Variants in SAMMSON observed in about 807,000 individuals in gnomAD.
SAMMSON encodes long intergenic non-protein coding RNA 1212.
chr3:70,299,034 C>T (rs543626642), intron 7 of SAMMSON, among the ~76,000 whole-genome samples: 7 of 152,046 alleles, frequency 4.6e-5, no homozygotes, highest in Non-Finnish European at 7.4e-5. Context: ...GAGGATCTCA[C>T]GTGGTGCTTT....
chr3:70,195,983 C>T (rs1223020337), intron 4 of SAMMSON, among the ~76,000 whole-genome samples: 2 of 152,268 alleles, frequency 1.3e-5, no homozygotes, highest in East Asian at 1.9e-4. Flanking sequence ...GTTTCTGAAG[C>T]ACATGCTATA....
At chr3:70,156,417 A>G (rs1053597649) in intron 4 of SAMMSON, among the ~76,000 whole-genome samples, 12 of 152,068 alleles carry the variant, frequency 7.9e-5, no homozygotes, top group African/African-American at 2.7e-4. Flanking sequence ...ACACACAGTC[A>G]GTGTTCAGGC....
intron 4 of SAMMSON, among the ~76,000 whole-genome samples, chr3:70,238,725 C>A (rs954480379): frequency 1.3e-5 from 2 of 151,986 alleles, no homozygotes; most frequent in Non-Finnish European, 1.5e-5. Flanking sequence ...TTGTTTGGGT[C>A]CCCATATTTA....
chr3:70,362,330 A>G (rs1702878497), intron 9 of SAMMSON, among the ~76,000 whole-genome samples: 1 of 152,168 alleles, frequency 6.6e-6, no homozygotes, highest in African/African-American at 2.4e-5. Flanking sequence ...ATTTCTCAAC[A>G]GGGATCAGTC....
chr3:70,392,423 T>A (rs1359065251), downstream of SAMMSON, among the ~76,000 whole-genome samples: 1 of 152,084 alleles, frequency 6.6e-6, no homozygotes, highest in Non-Finnish European at 1.5e-5. Context: ...AAGTAAACAA[T>A]GTGCAGGTGG....
At chr3:70,323,578 T>C (rs1207568649) in intron 7 of SAMMSON, among the ~76,000 whole-genome samples, 1 of 152,196 alleles carries the variant, frequency 6.6e-6, no homozygotes, top group African/African-American at 2.4e-5. Context: ...TTGGCAAGGC[T>C]GAACTGTTTC....
intron 2 of SAMMSON, among the ~76,000 whole-genome samples, chr3:70,013,292 A>C (rs2066966153): frequency 6.6e-6 from 1 of 152,146 alleles, no homozygotes. Flanking sequence ...TTTTAAAAAA[A>C]TATGAACTAG....
intron 4 of SAMMSON, among the ~76,000 whole-genome samples, chr3:70,241,731 G>C (rs925062756): frequency 6.6e-6 from 1 of 152,092 alleles, no homozygotes; most frequent in African/African-American, 2.4e-5. Flanking sequence ...CTACTAAGGC[G>C]TCTAATGTCT....
chr3:70,236,428 ATTTG>A (rs1701609687), intron 4 of SAMMSON, among the ~76,000 whole-genome samples: 1 of 152,086 alleles, frequency 6.6e-6, no homozygotes, highest in Non-Finnish European at 1.5e-5. Flanking sequence ...CTACCTGCCT[ATTTG>A]TTTATTAGCC....
chr3:70,290,835 C>G (rs555312090), intron 6 of SAMMSON, among the ~76,000 whole-genome samples: 20 of 152,244 alleles, frequency 1.3e-4, no homozygotes, highest in African/African-American at 4.6e-4. Flanking sequence ...AGGTGCGGTC[C>G]TCACCCCTTT....
intron 4 of SAMMSON, among the ~76,000 whole-genome samples, chr3:70,088,562 C>T (rs961453772): frequency 6.6e-6 from 1 of 152,134 alleles, no homozygotes; most frequent in East Asian, 1.9e-4. Context: ...ATTGGCTAAG[C>T]CCTTCTCTGT....
At chr3:70,348,474 A>G (rs2106733304) in intron 7 of SAMMSON, among the ~76,000 whole-genome samples, 1 of 152,226 alleles carries the variant, frequency 6.6e-6, no homozygotes, top group Non-Finnish European at 1.5e-5. Context: ...GCATCCTTAC[A>G]TGGCAGAGAG....
At chr3:70,091,006 G>T (rs1048396972) in intron 4 of SAMMSON, among the ~76,000 whole-genome samples, 3 of 152,102 alleles carry the variant, frequency 2.0e-5, no homozygotes, top group African/African-American at 7.2e-5. Flanking sequence ...ATGTAAGTGG[G>T]ACTGTAACTT....
intron 4 of SAMMSON, among the ~76,000 whole-genome samples, chr3:70,234,639 CAAA>C (rs34609524): frequency 5.9e-5 from 7 of 118,840 alleles, no homozygotes; most frequent in Admixed American, 1.7e-4. Context: ...GACCCTGGCT[CAAA>C]AAAAAAAAAA....
At chr3:70,164,970 A>G (rs893933862) in intron 4 of SAMMSON, among the ~76,000 whole-genome samples, 10 of 152,068 alleles carry the variant, frequency 6.6e-5, no homozygotes, top group Admixed American at 5.9e-4. Flanking sequence ...GTGCATTAGT[A>G]TCTGCAGTTT....
chr3:70,274,092 C>CGT (rs1260177672), intron 6 of SAMMSON, among the ~76,000 whole-genome samples: 19 of 138,428 alleles, frequency 1.4e-4, no homozygotes, highest in South Asian at 2.6e-4. Flanking sequence ...TGTGTGTGTG[C>CGT]GCGCGCGCAT....
chr3:70,107,502 G>C (rs1386343153), intron 4 of SAMMSON, among the ~76,000 whole-genome samples: 1 of 152,090 alleles, frequency 6.6e-6, no homozygotes, highest in Non-Finnish European at 1.5e-5. Context: ...GACCTCAAGA[G>C]CTGGGGAAAG....
chr3:70,012,058 G>C (rs968823461), intron 1 of SAMMSON, among the ~76,000 whole-genome samples: 20 of 152,094 alleles, frequency 1.3e-4, no homozygotes, highest in Non-Finnish European at 2.6e-4. Context: ...GCTCCCTCCT[G>C]GACTGAGCAG....
At chr3:70,344,125 C>G (rs1702732332) in intron 7 of SAMMSON, among the ~76,000 whole-genome samples, 2 of 151,922 alleles carry the variant, frequency 1.3e-5, no homozygotes, top group African/African-American at 4.8e-5. Context: ...ACCAAAGACC[C>G]CACCCTCAAG....
Sources: gnomAD v4.1 joint callset for allele counts (sites outside exome capture counted in the v4.1 genomes callset) on GRCh38, gnomAD v4.1.1 for gene constraint, MANE v1.5 for transcripts, NCBI Gene and HGNC (gene_info 2026-07-23, HGNC 2026-07-21) for gene names.